Variants in ALG14 observed in about 807,000 individuals in gnomAD.
The protein encoded by ALG14 is UDP-N-acetylglucosamine transferase subunit ALG14.
ALG14 carries 17 observed loss-of-function variants against 22.8 expected under a neutral mutation model. The ratio of observed to expected loss-of-function variants is 0.75; its 90% CI spans 0.51 to 1.12. ALG14 has a LOEUF of 1.12. ALG14 is among the 50% of genes most tolerant of loss of function. The pLI is 0.00. For missense variants in ALG14, 288 were observed against 271.8 expected, an observed-to-expected ratio of 1.06 and a Z score of -0.42; for synonymous variants, 89 against 103.7, an observed-to-expected ratio of 0.86 and a Z score of 0.86.
At position 94,977,833 on chromosome 1, in the gene ALG14, T is replaced by C. The variant is rs1236564972; in HGVS notation, c.*5243A>G. The C allele has an allele frequency of 2.6e-5, 4 of 151,894 alleles. No homozygotes were observed. The highest frequency in any genetic ancestry group is 9.7e-5 in the African/African-American group (4 of 41,318). 9.4% of individuals were successfully genotyped at this position (151,894 alleles called of 1,614,324 possible). ...CTGGCTAATTTTTGTATTTTTTTTG[T>C]AGAGATGGGGTTTTACTGTGTTGCC... is the stretch of plus-strand genomic sequence containing the variant. On this transcript the variant is annotated 3_prime_UTR_variant, in exon 4 of 4. Coordinates refer to ENST00000370205, the MANE Select transcript of ALG14 (RefSeq NM_144988.4).
chr1:95,058,333 G>C (rs530981920), intron 2 of ALG14, among the ~76,000 whole-genome samples: 25 of 136,326 alleles, frequency 1.8e-4, no homozygotes, highest in Middle Eastern at 5.3e-3. Flanking sequence ...AGAGATGATA[G>C]CCGGGCGTAG....
intron 3 of ALG14, among the ~76,000 whole-genome samples, chr1:94,999,941 C>A (rs1267946149): frequency 6.6e-6 from 1 of 152,124 alleles, no homozygotes; most frequent in East Asian, 1.9e-4. Context: ...CACAACCCTC[C>A]CACCCACATT....
chr1:95,003,621 T>A (rs183220917), intron 3 of ALG14, among the ~76,000 whole-genome samples: 5 of 152,028 alleles, frequency 3.3e-5, no homozygotes, highest in African/African-American at 1.2e-4. Context: ...GCTAATTTTT[T>A]AAAAATTTTT....
At chr1:95,068,276 T>C (rs1035090607) in intron 1 of ALG14, among the ~76,000 whole-genome samples, 2 of 152,200 alleles carry the variant, frequency 1.3e-5, no homozygotes, top group Non-Finnish European at 2.9e-5. Context: ...TTGGCAAATG[T>C]TCTCTGAACA....
chr1:95,054,122 A>G, intron 2 of ALG14, among the ~76,000 whole-genome samples: 1 of 152,228 alleles, frequency 6.6e-6, no homozygotes, highest in African/African-American at 2.4e-5. Context: ...AACTACAGCT[A>G]CAGCACAAAT....
chr1:94,999,618 C>T (rs561498165), intron 3 of ALG14, among the ~76,000 whole-genome samples: 2 of 152,258 alleles, frequency 1.3e-5, no homozygotes, highest in South Asian at 2.1e-4. Flanking sequence ...CTCCAGCTCC[C>T]TCCTGAGGGA....
At chr1:95,034,162 T>C (rs10782996) in intron 2 of ALG14, among the ~76,000 whole-genome samples, 83,045 of 152,120 alleles carry the variant, frequency 0.55, 23,371 homozygotes, top group East Asian at 0.82. Context: ...CTCCTTCCTG[T>C]ACATCAGATC....
chr1:95,027,154 A>ACCC lies in ALG14; in HGVS notation c.394_395insGGG (p.Leu132delinsArgVal). ...CAAATCTGGCTTCACCCTGTGAATT[A>ACCC]GGGGAAAGGAGAGCCACATGGAGTG... is the stretch of plus-strand genomic sequence containing the variant. On this transcript the variant is annotated protein_altering_variant, in exon 3 of 4. Transcript: ENST00000370205. The ACCC allele has an allele frequency of 1.2e-5, 19 of 1,614,104 alleles. No individual in the cohort carries two copies. Among genetic ancestry groups the ACCC allele is most frequent in the Non-Finnish European group, 1.6e-5 (19 of 1,179,998 alleles).
intron 2 of ALG14, chr1:95,062,320 T>G (rs1218408466): frequency 6.6e-6 from 1 of 152,180 alleles, no homozygotes; most frequent in East Asian, 1.9e-4. Flanking sequence ...TTCCAGGGTA[T>G]GTGTGCAGGA....
At position 95,022,331 on chromosome 1, in the gene ALG14, A is replaced by G. The variant is rs570825291; in HGVS notation, c.420+4798T>C. On this transcript the variant is annotated intron_variant, in intron 3 of 3. Transcript: ENST00000370205. Reference sequence around the variant, plus strand: ...GCAGCTACAGGTTGTCACTCAGCCAATGTGTCAGTGGCACAGCTGGTAATT... The same window carrying G: ...GCAGCTACAGGTTGTCACTCAGCCAGTGTGTCAGTGGCACAGCTGGTAATT... The G allele has an allele frequency of 1.6e-5, 16 of 985,424 alleles. No individual in the cohort carries two copies. The East Asian group carries it at 4.5e-4, about 28-fold the overall frequency. The allele number at this position is 985,424 out of a possible 1,614,324, so 61.0% of individuals were successfully genotyped here.
intron 2 of ALG14, among the ~76,000 whole-genome samples, chr1:95,042,281 C>T (rs1674403427): frequency 6.7e-6 from 1 of 148,166 alleles, no homozygotes; most frequent in Non-Finnish European, 1.5e-5. Flanking sequence ...ACTCATTGTC[C>T]TTTGCTTATC....
At chr1:94,990,491 T>A (rs1672744723) in intron 3 of ALG14, among the ~76,000 whole-genome samples, 1 of 152,240 alleles carries the variant, frequency 6.6e-6, no homozygotes, top group South Asian at 2.1e-4. Flanking sequence ...ACCCAAGGTC[T>A]CTTACAATTC....
intron 3 of ALG14, among the ~76,000 whole-genome samples, chr1:94,984,934 CTCT>C (rs1672598634): frequency 6.6e-6 from 1 of 151,436 alleles, no homozygotes; most frequent in South Asian, 2.1e-4. Context: ...GAGACAAGTT[CTCT>C]TTTTTTTCTT....
intron 2 of ALG14, among the ~76,000 whole-genome samples, chr1:95,060,459 G>C (rs1675105458): frequency 6.6e-6 from 1 of 152,050 alleles, no homozygotes; most frequent in Non-Finnish European, 1.5e-5. Flanking sequence ...GCTCACGCCT[G>C]TAATCCCAGC....
chr1:95,052,006 C>G (rs1490417659), intron 2 of ALG14, among the ~76,000 whole-genome samples: 1 of 152,170 alleles, frequency 6.6e-6, no homozygotes, highest in Non-Finnish European at 1.5e-5. Context: ...AGAGATTTTT[C>G]TGTTTTATTT....
intron 2 of ALG14, among the ~76,000 whole-genome samples, chr1:95,053,659 C>G (rs549055225): frequency 2.6e-5 from 4 of 152,200 alleles, no homozygotes; most frequent in African/African-American, 9.6e-5. Flanking sequence ...CTCCTGGGTT[C>G]AAGCAATCCT....
chr1:95,054,438 C>A (rs748834454), intron 2 of ALG14, among the ~76,000 whole-genome samples: 46 of 151,996 alleles, frequency 3.0e-4, no homozygotes, highest in Non-Finnish European at 4.7e-4. Context: ...CTGAGGCCTC[C>A]CCAGAAGCAA....
chr1:95,031,191 GA>G (rs1376004527), intron 2 of ALG14, among the ~76,000 whole-genome samples: 1 of 152,176 alleles, frequency 6.6e-6, no homozygotes, highest in Admixed American at 6.5e-5. Flanking sequence ...CATGCTCTCA[GA>G]AGTATCAATT....
At chr1:95,068,121 T>C (rs1029975609) in intron 1 of ALG14, among the ~76,000 whole-genome samples, 3 of 152,216 alleles carry the variant, frequency 2.0e-5, no homozygotes, top group Admixed American at 6.5e-5. Context: ...CACCATACTA[T>C]GAGGGCAGGG....
Sources: gnomAD v4.1 joint callset for allele counts (sites outside exome capture counted in the v4.1 genomes callset) on GRCh38, gnomAD v4.1.1 for gene constraint, MANE v1.5 for transcripts, NCBI Gene and HGNC (gene_info 2026-07-23, HGNC 2026-07-21) for gene names.